The following KIF13A variants were observed in gnomAD, a reference collection of about 807,000 sequenced individuals.
The protein encoded by KIF13A is kinesin family member 13A.
A neutral mutation model predicts 212.2 loss-of-function variants in KIF13A; 79 were observed. The observed-to-expected ratio is 0.37, with a 90% CI of 0.31 to 0.45. The LOEUF is 0.45. Among genes scored for constraint, KIF13A ranks in the 20% least tolerant of loss-of-function variants. The pLI, the probability that KIF13A is intolerant of heterozygous loss-of-function variation, is 1.00. For missense variants in KIF13A, 1,901 were observed against 2,209.0 expected (o/e 0.86, Z 2.79); for synonymous variants, 789 against 808.6 (o/e 0.98, Z 0.41).
In KIF13A at chr6:17,855,528, A is replaced by G. The variant is rs758751233; in HGVS notation, c.403T>C (p.Leu135=). The G allele has an allele frequency of 1.2e-6, 2 of 1,613,852 alleles. No homozygotes were observed. Among genetic ancestry groups the G allele is most frequent in the East Asian group, 4.5e-5 (2 of 44,876 alleles). ...LCCALFKRIS[L]EQNESQTFKV... Reference sequence around the variant, plus strand: ...AAGGTCTGTGACTCATTTTGCTCCAAAGAGATCCTTTTAAATAAAGCACAG... The same window carrying G: ...AAGGTCTGTGACTCATTTTGCTCCAGAGAGATCCTTTTAAATAAAGCACAG... Residue 135 remains leucine, a synonymous_variant, in exon 6 of 39, where the codon TTG becomes CTG. Coordinates refer to ENST00000259711, the MANE Select transcript of KIF13A (RefSeq NM_022113.6). The surrounding 1 kb of genome is among the most constrained non-coding windows in gnomAD (Gnocchi z 4.1).
At chr6:17,784,797 G>A in intron 28 of KIF13A, among the ~76,000 whole-genome samples, 1 of 152,186 alleles carries the variant, frequency 6.6e-6, no homozygotes, top group East Asian at 1.9e-4. Flanking sequence ...AGCAGGAACT[G>A]CAGGGAGAAA....
At position 17,772,892 on chromosome 6, in the gene KIF13A, G is replaced by T. The variant is rs1759621345; in HGVS notation, c.4324+586C>A. On this transcript the variant is annotated intron_variant, in intron 36 of 38. Transcript: ENST00000259711. The surrounding 1 kb of genome is among the most constrained non-coding windows in gnomAD (Gnocchi z 4.8). ...GCTTGTATCATTTCTTACCTTTTTGGCCTCTTTCCTCCCTTTCCAATTTGT... is the reference window on the plus strand; with the variant it reads ...GCTTGTATCATTTCTTACCTTTTTGTCCTCTTTCCTCCCTTTCCAATTTGT... 6.6e-6 allele frequency among the ~76,000 whole-genome samples: 1 copy of T among 151,724 alleles called. No individual in the cohort carries two copies. The highest frequency in any genetic ancestry group is 2.4e-5 in the African/African-American group (1 of 41,254).
In KIF13A at chr6:17,777,469, T is replaced by C. The variant is rs1760103741; in HGVS notation, c.4093-115A>G. On this transcript the variant is annotated intron_variant, in intron 33 of 38. Coordinates refer to ENST00000259711, the MANE Select transcript of KIF13A (RefSeq NM_022113.6). This position sits in a 1 kb window ranked among gnomAD's most constrained non-coding sequence, Gnocchi z 4.4. ...TGCGATCTCTGCTCACTGCAACCTC[T>C]GCCTCCTGGGTTCAAGCAATTCTGC... is the stretch of plus-strand genomic sequence containing the variant. The C allele has an allele frequency of 1.1e-5, 9 of 845,446 alleles. No homozygotes were observed. Among genetic ancestry groups the C allele is most frequent in the Admixed American group, 8.4e-5 (4 of 47,874 alleles). 52.4% of individuals were successfully genotyped at this position (845,446 alleles called of 1,614,324 possible). A position where few individuals can be genotyped will look rare whatever the true frequency, so the allele number is the denominator to read the frequency against.
In KIF13A at chr6:17,963,643, G is replaced by T. The variant is rs111812921; in HGVS notation, c.146+23411C>A. Among the ~76,000 whole-genome samples, 9 of 152,118 alleles carry T rather than the reference G, an allele frequency of 5.9e-5. No individual in the cohort carries two copies. The highest frequency in any genetic ancestry group is 1.2e-4 in the Non-Finnish European group (8 of 68,024). ...GTGATCGCAGCTTACTGCAACCTCC[G>T]CCTCCTGGGTTCCAACGATTCCCCT... On this transcript the variant is annotated intron_variant, in intron 2 of 38. Transcript: ENST00000259711. The surrounding 1 kb of genome is among the most constrained non-coding windows in gnomAD (Gnocchi z 4.1).
intron 6 of KIF13A, among the ~76,000 whole-genome samples, chr6:17,853,374 G>C (rs1302184654): frequency 6.6e-6 from 1 of 152,150 alleles, no homozygotes; most frequent in Non-Finnish European, 1.5e-5. Context: ...TCCAGTATCT[G>C]AAATTCTTGT....
chr6:17,977,211 C>G (rs1780637110), intron 2 of KIF13A, among the ~76,000 whole-genome samples: 1 of 151,598 alleles, frequency 6.6e-6, no homozygotes, highest in African/African-American at 2.4e-5. Flanking sequence ...CCAGGTGATT[C>G]TGATGCACAT....
chr6:17,794,142 A>C lies in KIF13A; in HGVS notation c.3222+107T>G. 2 of 779,346 alleles carry C rather than the reference A, an allele frequency of 2.6e-6. No homozygotes were observed. Among genetic ancestry groups the C allele is most frequent in the African/African-American group, 1.7e-5 (1 of 58,980 alleles). 48.3% of individuals were successfully genotyped at this position (779,346 alleles called of 1,614,324 possible). ...ATGGATGGAAATGTGAACTGGGGGA[A>C]GATCTACGGTTAAGGCAAAGAGTTC... On this transcript the variant is annotated intron_variant, in intron 25 of 38. Transcript: ENST00000259711. This position sits in a 1 kb window ranked among gnomAD's most constrained non-coding sequence, Gnocchi z 4.1.
intron 4 of KIF13A, among the ~76,000 whole-genome samples, chr6:17,865,637 C>T (rs925710034): frequency 2.0e-5 from 3 of 152,168 alleles, no homozygotes; most frequent in African/African-American, 7.2e-5. Context: ...TGATTTCAAA[C>T]CTGGTTTAAG....
chr6:17,842,526 A>G (rs1051965592), intron 9 of KIF13A, among the ~76,000 whole-genome samples: 3 of 152,196 alleles, frequency 2.0e-5, no homozygotes, highest in Non-Finnish European at 4.4e-5. Flanking sequence ...TAGTGGCAAA[A>G]TAAGTTATTC....
rs1056294627 is a variant in KIF13A at position 17,899,940 on chromosome 6, C to A, written c.147-1760G>T. 1.3e-5 allele frequency among the ~76,000 whole-genome samples: 2 copies of A among 152,134 alleles called. No individual in the cohort carries two copies. The highest frequency in any genetic ancestry group is 4.8e-5 in the African/African-American group (2 of 41,418). ...TTAAGTGGAAGACAATTCAGGAAGG[C>A]CTCAGTTCTAAGAAGGTAGAACAAT... On this transcript the variant is annotated intron_variant, in intron 2 of 38. Coordinates refer to ENST00000259711, the MANE Select transcript of KIF13A (RefSeq NM_022113.6). This position sits in a 1 kb window ranked among gnomAD's most constrained non-coding sequence, Gnocchi z 5.2.
chr6:17,887,206 A>G (rs554388366), intron 3 of KIF13A, among the ~76,000 whole-genome samples: 2 of 152,282 alleles, frequency 1.3e-5, no homozygotes, highest in South Asian at 4.1e-4. Context: ...CAGTATTAGC[A>G]AGTCCCAGAT....
At position 17,796,817 on chromosome 6, in the gene KIF13A, A is replaced by G. The variant is rs781496280; in HGVS notation, c.2794T>C (p.Tyr932His). 4.6e-6 allele frequency: 7 copies of G among 1,514,630 alleles called. No individual in the cohort carries two copies. Among genetic ancestry groups the G allele is most frequent in the Non-Finnish European group, 6.2e-6 (7 of 1,127,460 alleles). The allele number at this position is 1,514,630 out of a possible 1,614,324, so 93.8% of individuals were successfully genotyped here. A position where few individuals can be genotyped will look rare whatever the true frequency, so the allele number is the denominator to read the frequency against. The change falls in exon 23 of 39, where the codon TAT (tyrosine) becomes CAT (histidine). Residue 932 changes from tyrosine (Y) to histidine (H), a missense_variant. Around this residue, in one of 5 missense-constraint regions of KIF13A, gnomAD observed 534 missense variants for 536.9 expected, o/e 0.99. Transcript: ENST00000259711. ...YTVTFSHCKD[Y>H]VVNVTEEFLE... ...AATTCTTCTGTTACATTCACCACATAGTCCTGGGATAAGTGGGGGAAAGCA... is the reference window on the plus strand; with the variant it reads ...AATTCTTCTGTTACATTCACCACATGGTCCTGGGATAAGTGGGGGAAAGCA...
intron 2 of KIF13A, among the ~76,000 whole-genome samples, chr6:17,970,475 C>T (rs941792436): frequency 1.3e-5 from 2 of 152,146 alleles, no homozygotes; most frequent in Admixed American, 1.3e-4. Context: ...TATCAGGATG[C>T]TGAGAGAGGA....
chr6:17,975,106 G>A (rs977775070), intron 2 of KIF13A, among the ~76,000 whole-genome samples: 4 of 152,176 alleles, frequency 2.6e-5, no homozygotes, highest in Non-Finnish European at 5.9e-5. Flanking sequence ...AACTTTGAGA[G>A]AAAGAGGAGG....
Position 17,828,490 on chromosome 6 carries a change from C to A in KIF13A, c.1402-120G>T. ...CACAAAAATATTAAACGAATCCTGC[C>A]AGAGATGTTAAATATCTTAAGCATT... On this transcript the variant is annotated intron_variant, in intron 13 of 38. Transcript: ENST00000259711. The surrounding 1 kb of genome is among the most constrained non-coding windows in gnomAD (Gnocchi z 4.3). 1.3e-6 allele frequency: 1 copy of A among 742,028 alleles called. No individual in the cohort carries two copies. The allele number at this position is 742,028 out of a possible 1,614,324, so 46.0% of individuals were successfully genotyped here. A position where few individuals can be genotyped will look rare whatever the true frequency, so the allele number is the denominator to read the frequency against.
intron 2 of KIF13A, among the ~76,000 whole-genome samples, chr6:17,980,480 A>G (rs1780966868): frequency 6.6e-6 from 1 of 152,140 alleles, no homozygotes; most frequent in Admixed American, 6.5e-5. Context: ...CCTGGGAGGC[A>G]ACCGCTCCAA....
chr6:17,982,532 G>A lies in KIF13A; in HGVS notation c.146+4522C>T. 1.7e-6 allele frequency: 1 copy of A among 592,878 alleles called. No homozygotes were observed. The highest frequency in any genetic ancestry group is 7.4e-5 in the South Asian group (1 of 13,428). The allele number at this position is 592,878 out of a possible 1,614,324, so 36.7% of individuals were successfully genotyped here. The stretch of plus-strand genomic sequence containing the variant: ...CCCTCCCTCACACGATTTGCAAGGT[G>A]TATTGTTCATCCTGCCATATGGAAA... On this transcript the variant is annotated intron_variant, in intron 2 of 38. Transcript: ENST00000259711. This position sits in a 1 kb window ranked among gnomAD's most constrained non-coding sequence, Gnocchi z 5.1.
chr6:17,829,999 C>A lies in KIF13A; in HGVS notation c.1401+1102G>T, dbSNP rs1439383002. On this transcript the variant is annotated intron_variant, in intron 13 of 38. Coordinates refer to ENST00000259711, the MANE Select transcript of KIF13A (RefSeq NM_022113.6). The surrounding 1 kb of genome is among the most constrained non-coding windows in gnomAD (Gnocchi z 5.4). ...GTAAGCTGCCTTCAAGGCCCCAGGT[C>A]CCCAATCCTTGAAAGTTCGTTTCTG... 6.6e-6 allele frequency among the ~76,000 whole-genome samples: 1 copy of A among 152,134 alleles called. No individual in the cohort carries two copies. Among genetic ancestry groups the A allele is most frequent in the African/African-American group, 2.4e-5 (1 of 41,442 alleles).
chr6:17,863,187 G>A (rs1768997188), intron 4 of KIF13A, among the ~76,000 whole-genome samples: 1 of 152,066 alleles, frequency 6.6e-6, no homozygotes, highest in Admixed American at 6.6e-5. Context: ...CTCCCACAGA[G>A]GTCCCATTTA....
Sources: gnomAD v4.1 joint callset for allele counts (sites outside exome capture counted in the v4.1 genomes callset) on GRCh38, gnomAD v4.1.1 for gene constraint, gnomAD v4.1.1 regional missense constraint, Gnocchi (gnomAD v3.1) non-coding constraint, MANE v1.5 for transcripts, NCBI Gene and HGNC (gene_info 2026-07-23, HGNC 2026-07-21) for gene names.